Variants in RBFA observed in about 807,000 individuals in gnomAD.
RBFA encodes ribosome binding factor A.
A neutral mutation model predicts 27.9 loss-of-function variants in RBFA; 16 were observed. The ratio of observed to expected loss-of-function variants is 0.57; its 90% CI spans 0.39 to 0.87. The LOEUF is 0.87. Among genes scored for constraint, RBFA ranks in the 40% least tolerant of loss-of-function variants. The pLI is 0.00. For synonymous variants in RBFA, 181 were observed against 181.0 expected, an observed-to-expected ratio of 1.00 and a Z score of 0.00; for missense variants, 456 against 432.1, an observed-to-expected ratio of 1.06 and a Z score of -0.49.
rs75648430 is a variant in RBFA at position 80,045,840 on chromosome 18, C to T, written c.717C>T (p.Ile239=). 162 of 1,561,788 alleles carry T rather than the reference C, an allele frequency of 1.0e-4. 1 individual carries two copies. The East Asian group carries it at 2.0e-3, about 20-fold the overall frequency. Residue 239 remains isoleucine, a synonymous_variant, in exon 7 of 7, where the codon ATC becomes ATT. Transcript: ENST00000306735. ...CCACAAGCTCCAGTCTGTGTGGGAT[C>T]GATCATGAGGCGCTCAACAAGCAGA... is the stretch of plus-strand genomic sequence containing the variant. ...EPTTSSSLCG[I]DHEALNKQIM...
intron 4 of RBFA, among the ~76,000 whole-genome samples, chr18:80,039,655 A>G (rs781401283): frequency 1.3e-5 from 2 of 152,218 alleles, no homozygotes; most frequent in Non-Finnish European, 2.9e-5. Context: ...GAGCTTGACA[A>G]CTTCTAGGTA....
At position 80,038,513 on chromosome 18, in the gene RBFA, G is replaced by C. The variant is rs114476697; in HGVS notation, c.387G>C (p.Leu129=). ...DLNVELSKVS[L]TPDFSACRAY... ...GAGGGGCGGGGTCTCAGGTTTCCCT[G>C]ACTCCAGACTTCTCAGCCTGCCGAG... Residue 129 remains leucine, a synonymous_variant, in exon 4 of 7, where the codon CTG becomes CTC. Transcript: ENST00000306735. 2.0e-3 allele frequency: 3,146 copies of C among 1,610,842 alleles called. 55 individuals carry two copies. In the African/African-American group the frequency reaches 0.037, roughly 19 times the overall value.
At chr18:80,034,706 T>C in intron 1 of RBFA, 53 bp downstream of exon 1, 1 of 1,585,356 alleles carries the variant, frequency 6.3e-7, no homozygotes, top group South Asian at 1.1e-5. Flanking sequence ...GGGGGCGGTG[T>C]CCCCGGGTTG....
intron 4 of RBFA, among the ~76,000 whole-genome samples, 187 bp downstream of exon 4, chr18:80,038,804 A>G (rs1458091771): frequency 6.6e-6 from 1 of 152,202 alleles, no homozygotes; most frequent in East Asian, 1.9e-4. Context: ...GTAGGTTAGC[A>G]TTTATTAAAG....
Position 80,046,164 on chromosome 18 carries a change from G to C in RBFA, c.*9G>C, listed in dbSNP as rs753797290. On this transcript the variant is annotated 3_prime_UTR_variant, in exon 7 of 7. Coordinates refer to ENST00000306735, the MANE Select transcript of RBFA (RefSeq NM_024805.3). ...GAGCAAGCAGGGAGTAGATGGAGAGGCTCTGCCCATCCCACATTTGCAGGG... is the reference window on the plus strand; with the variant it reads ...GAGCAAGCAGGGAGTAGATGGAGAGCCTCTGCCCATCCCACATTTGCAGGG... 2.5e-6 allele frequency: 4 copies of C among 1,610,262 alleles called. No individual in the cohort carries two copies. The highest frequency in any genetic ancestry group is 3.4e-6 in the Non-Finnish European group (4 of 1,177,470).
chr18:80,035,100 G>T (rs1207636049), intron 1 of RBFA: 1 of 174,178 alleles, frequency 5.7e-6, no homozygotes, highest in African/African-American at 2.4e-5. Flanking sequence ...GTAGGTGGTT[G>T]TATGTTTTCT....
intron 4 of RBFA, among the ~76,000 whole-genome samples, chr18:80,039,665 A>T (rs1352285622): frequency 6.6e-6 from 1 of 152,250 alleles, no homozygotes; most frequent in East Asian, 1.9e-4. Context: ...ACTTCTAGGT[A>T]CTTGAGACTC....
rs2052068995 is a variant in RBFA, at chr18:80,048,100, T to A, written c.*1945T>A. On this transcript the variant is annotated 3_prime_UTR_variant, in exon 7 of 7. Coordinates refer to ENST00000306735, the MANE Select transcript of RBFA (RefSeq NM_024805.3). ...GAGCGCAACATCCTAAAAAACGTTTTTGTATTTCCCTAGCAAGATAACTTC... is the reference window on the plus strand; with the variant it reads ...GAGCGCAACATCCTAAAAAACGTTTATGTATTTCCCTAGCAAGATAACTTC... 1 of 152,240 alleles carries A rather than the reference T, an allele frequency of 6.6e-6. No homozygotes were observed. The highest frequency in any genetic ancestry group is 6.5e-5 in the Admixed American group (1 of 15,288). The allele number at this position is 152,240 out of a possible 1,614,324, so 9.4% of individuals were successfully genotyped here.
rs1451637920 is a variant in RBFA at position 80,038,542 on chromosome 18, A to G, written c.416A>G (p.Tyr139Cys). ...LTPDFSACRA[Y>C]WKTTLSAEQN... Reference sequence around the variant, plus strand: ...CCAGACTTCTCAGCCTGCCGAGCGTACTGGAAGACAACGCTCTCTGCTGAG... The same window carrying G: ...CCAGACTTCTCAGCCTGCCGAGCGTGCTGGAAGACAACGCTCTCTGCTGAG... The change falls in exon 4 of 7, where the codon TAC (tyrosine) becomes TGC (cysteine). Residue 139 changes from tyrosine (Y) to cysteine (C), a missense_variant. Transcript: ENST00000306735. 3.7e-6 allele frequency: 6 copies of G among 1,613,978 alleles called. No homozygotes were observed. Among genetic ancestry groups the G allele is most frequent in the Non-Finnish European group, 4.2e-6 (5 of 1,179,882 alleles).
In RBFA at chr18:80,046,278, C is replaced by G; in HGVS notation, c.*123C>G. 3 of 1,150,420 alleles carry G rather than the reference C, an allele frequency of 2.6e-6. No individual in the cohort carries two copies. Among genetic ancestry groups the G allele is most frequent in the Non-Finnish European group, 3.6e-6 (3 of 825,606 alleles). The allele number at this position is 1,150,420 out of a possible 1,614,324, so 71.3% of individuals were successfully genotyped here. ...TGCTCTTCTGCTACTTCAACATTTT[C>G]TAGCTTTTCCGTGTATCTAAACACA... On this transcript the variant is annotated 3_prime_UTR_variant, in exon 7 of 7. Transcript: ENST00000306735.
Position 80,046,405 on chromosome 18 carries a change from A to G in RBFA, c.*250A>G, listed in dbSNP as rs1366960114. The G allele has an allele frequency of 1.0e-5, 5 of 495,810 alleles. No individual in the cohort carries two copies. The Admixed American group carries it at 1.8e-4, about 17-fold the overall frequency. 30.7% of individuals were successfully genotyped at this position (495,810 alleles called of 1,614,324 possible). A position where few individuals can be genotyped will look rare whatever the true frequency, so the allele number is the denominator to read the frequency against. On this transcript the variant is annotated 3_prime_UTR_variant, in exon 7 of 7. Transcript: ENST00000306735. ...ATTCTCACAAAAAGAAAATGGTAAAATAGTGTCTCTGAGATGCTGGCATGG... is the reference window on the plus strand; with the variant it reads ...ATTCTCACAAAAAGAAAATGGTAAAGTAGTGTCTCTGAGATGCTGGCATGG...
chr18:80,042,639 C>T (rs561243069), intron 5 of RBFA, among the ~76,000 whole-genome samples: 4 of 151,998 alleles, frequency 2.6e-5, no homozygotes, highest in South Asian at 2.1e-4. Flanking sequence ...GGTGTGGTGG[C>T]GTGCGCCCGT....
At position 80,044,291 on chromosome 18, in the gene RBFA, G is replaced by T. The variant is rs1411938507; in HGVS notation, c.650+6G>T. ...TTTGTACAAAATGATTTCAGGTGAC[G>T]CATGTGGACATATGTTTTGATTCCC... On this transcript the variant is annotated splice_donor_region_variant and intron_variant, in intron 6 of 6. Transcript: ENST00000306735. 1.9e-6 allele frequency: 3 copies of T among 1,612,470 alleles called. No homozygotes were observed. Among genetic ancestry groups the T allele is most frequent in the Non-Finnish European group, 2.5e-6 (3 of 1,178,544 alleles).
chr18:80,042,062 T>C, intron 4 of RBFA, 73 bp from the exon 5 acceptor site: 4 of 1,107,784 alleles, frequency 3.6e-6, no homozygotes, highest in Non-Finnish European at 5.2e-6. Context: ...TTGAATCATA[T>C]GTTCAGCACT....
intron 4 of RBFA, among the ~76,000 whole-genome samples, chr18:80,039,193 A>G (rs1192309006): frequency 6.6e-6 from 1 of 152,186 alleles, no homozygotes; most frequent in Non-Finnish European, 1.5e-5. Flanking sequence ...CAGCACACGC[A>G]TATAGTCCCA....
intron 1 of RBFA, 91 bp downstream of exon 1, chr18:80,034,744 C>A: frequency 6.5e-7 from 1 of 1,534,110 alleles, no homozygotes; most frequent in Non-Finnish European, 8.8e-7. Flanking sequence ...CGTTCTTGCG[C>A]CCATGCGGCC....
At chr18:80,041,684 C>G (rs1469169204) in intron 4 of RBFA, 2 of 150,754 alleles carry the variant, frequency 1.3e-5, no homozygotes, top group Non-Finnish European at 2.9e-5. Context: ...CTGAGGTTTT[C>G]ATTTTTGAGT....
intron 1 of RBFA, among the ~76,000 whole-genome samples, chr18:80,036,232 C>A (rs1299607842): frequency 1.3e-5 from 2 of 152,172 alleles, no homozygotes; most frequent in Non-Finnish European, 2.9e-5. Flanking sequence ...AGCCTCCTCT[C>A]CTTGCTGATC....
intron 3 of RBFA, among the ~76,000 whole-genome samples, chr18:80,038,205 A>T (rs944905637): frequency 6.6e-6 from 1 of 152,164 alleles, no homozygotes; most frequent in Admixed American, 6.5e-5. Flanking sequence ...AGCATTTTTG[A>T]TTAGTGTCTC....
Sources: gnomAD v4.1 joint callset for allele counts (sites outside exome capture counted in the v4.1 genomes callset) on GRCh38, gnomAD v4.1.1 for gene constraint, MANE v1.5 for transcripts, NCBI Gene and HGNC (gene_info 2026-07-23, HGNC 2026-07-21) for gene names.